The following CYP19A1 variants were observed in gnomAD, a reference collection of about 807,000 sequenced individuals.
The protein encoded by CYP19A1 is cytochrome P450 family 19 subfamily A member 1.
CYP19A1 carries 32 observed loss-of-function variants against 44.4 expected under a neutral mutation model. That is an observed-to-expected ratio of 0.72 (90% CI 0.54 to 0.97). The LOEUF (loss-of-function observed/expected upper bound fraction) is 0.97, where lower values mean the gene tolerates loss of function less well. CYP19A1 is among the 50% of genes least tolerant of loss of function. The probability of loss-of-function intolerance (pLI) is 0.00; values close to 1 mark genes in which losing one functional copy is unlikely to be tolerated. For synonymous variants in CYP19A1, 212 were observed against 215.6 expected, an observed-to-expected ratio of 0.98 and a Z score of 0.14; for missense variants, 598 against 637.8, an observed-to-expected ratio of 0.94 and a Z score of 0.67.
At position 51,224,954 on chromosome 15, in the gene CYP19A1, G is replaced by C. The variant is rs562175193; in HGVS notation, c.452-2429C>G. ...TTTACTCCTAGAATATTTGTCTTTTGTTTTCTTAATTAGCTTCTACCTTCA... is the reference window on the plus strand; with the variant it reads ...TTTACTCCTAGAATATTTGTCTTTTCTTTTCTTAATTAGCTTCTACCTTCA... On this transcript the variant is annotated intron_variant, in intron 4 of 9. Coordinates refer to ENST00000396402, the MANE Select transcript of CYP19A1 (RefSeq NM_000103.4). Among the ~76,000 whole-genome samples the C allele has an allele frequency of 5.3e-5, 8 of 152,226 alleles. No individual in the cohort carries two copies. The East Asian group carries it at 1.5e-3, about 29-fold the overall frequency.
chr15:51,313,849 CTG>C (rs2036367854), intron 1 of CYP19A1, among the ~76,000 whole-genome samples: 1 of 151,974 alleles, frequency 6.6e-6, no homozygotes, highest in South Asian at 2.1e-4. Flanking sequence ...TGGGAAAGGG[CTG>C]GGGTGCGTGG....
rs150497524 is a variant in CYP19A1 at position 51,284,396 on chromosome 15, C to T, written c.-38-41446G>A. Among the ~76,000 whole-genome samples, 661 of 152,278 alleles carry T rather than the reference C, an allele frequency of 4.3e-3. 2 individuals are homozygous for T. The highest frequency in any genetic ancestry group is 0.015 in the African/African-American group (631 of 41,550). ...CCATGGGTATCATTGGCGTAGGAAC[C>T]GCCTCAGAGGTTTTTCACAGTTCCT... On this transcript the variant is annotated intron_variant, in intron 1 of 9. Coordinates refer to ENST00000396402, the MANE Select transcript of CYP19A1 (RefSeq NM_000103.4).
chr15:51,214,601 G>C (rs2031378606), intron 8 of CYP19A1, among the ~76,000 whole-genome samples: 1 of 152,182 alleles, frequency 6.6e-6, no homozygotes, highest in Non-Finnish European at 1.5e-5. Context: ...AATTTCCCTG[G>C]GAGAGTCCAC....
At chr15:51,236,119 A>G (rs1242964139) in intron 3 of CYP19A1, among the ~76,000 whole-genome samples, 2 of 152,190 alleles carry the variant, frequency 1.3e-5, no homozygotes, top group Non-Finnish European at 1.5e-5. Flanking sequence ...GGAGGACACT[A>G]TTTTTTTAAA....
intron 1 of CYP19A1, among the ~76,000 whole-genome samples, chr15:51,305,054 C>T (rs1226577871): frequency 6.6e-6 from 1 of 151,972 alleles, no homozygotes; most frequent in African/African-American, 2.4e-5. Context: ...CGCCTGCCAC[C>T]ACGCCCAGCT....
At chr15:51,293,977 AC>A in intron 1 of CYP19A1, 2 of 198,362 alleles carry the variant, frequency 1.0e-5, no homozygotes, top group Admixed American at 6.1e-5. Context: ...CCCGGCCGCC[AC>A]CCCGTCTGGG....
At chr15:51,252,402 C>T (rs780945508) in intron 1 of CYP19A1, among the ~76,000 whole-genome samples, 81 of 152,314 alleles carry the variant, frequency 5.3e-4, no homozygotes, top group Non-Finnish European at 1.1e-3. Context: ...GAGGCTCTTT[C>T]CTGATTAAAA....
At chr15:51,316,484 TAGTG>T (rs2036428628) in intron 1 of CYP19A1, among the ~76,000 whole-genome samples, 2 of 152,194 alleles carry the variant, frequency 1.3e-5, no homozygotes, top group Non-Finnish European at 2.9e-5. Flanking sequence ...TTAAACTTCT[TAGTG>T]AGTTTTTATA....
rs575189557 is a variant in CYP19A1 at position 51,244,662 on chromosome 15, G to C, written c.-38-1712C>G. ...CCTTGAAGTTTCGATTTATATTGAT[G>C]AAACCTGAAACCATTGTTCAAAGCA... On this transcript the variant is annotated intron_variant, in intron 1 of 9. Transcript: ENST00000396402. Among the ~76,000 whole-genome samples the C allele has an allele frequency of 9.2e-5, 14 of 152,202 alleles. No individual in the cohort carries two copies. The East Asian group carries it at 2.5e-3, about 27-fold the overall frequency.
intron 1 of CYP19A1, among the ~76,000 whole-genome samples, chr15:51,267,585 C>T (rs1395082111): frequency 6.6e-6 from 1 of 152,188 alleles, no homozygotes; most frequent in Non-Finnish European, 1.5e-5. Context: ...GCGGTGTTCG[C>T]CGGGTGGGGG....
intron 1 of CYP19A1, among the ~76,000 whole-genome samples, chr15:51,248,455 C>CA (rs2034162677): frequency 6.6e-6 from 1 of 152,220 alleles, no homozygotes; most frequent in South Asian, 2.1e-4. Flanking sequence ...ATAGGGAACT[C>CA]ACCATTTTAT....
chr15:51,249,014 AC>A (rs1369202651), intron 1 of CYP19A1, among the ~76,000 whole-genome samples: 2 of 149,522 alleles, frequency 1.3e-5, no homozygotes, highest in African/African-American at 5.0e-5. Context: ...ATCTTGACTC[AC>A]TGCAACCTCC....
intron 3 of CYP19A1, among the ~76,000 whole-genome samples, chr15:51,236,435 C>T (rs766928601): frequency 1.1e-4 from 16 of 152,014 alleles, no homozygotes; most frequent in Non-Finnish European, 2.4e-4. Flanking sequence ...AGTGATGTCT[C>T]GGGTTTTATT....
At chr15:51,277,976 T>TTCC (rs1491468496) in intron 1 of CYP19A1, 4 of 145,628 alleles carry the variant, frequency 2.7e-5, no homozygotes, top group South Asian at 2.2e-4. Context: ...TTTTTTTTTT[T>TTCC]CCCCAGGAAA....
intron 1 of CYP19A1, among the ~76,000 whole-genome samples, chr15:51,246,967 G>A (rs567580862): frequency 3.3e-5 from 5 of 152,104 alleles, no homozygotes; most frequent in East Asian, 3.9e-4. Flanking sequence ...CTGCCTGATC[G>A]CACCAAAACC....
rs1168364401 is a variant in CYP19A1, at chr15:51,210,304, A to G, written c.*504T>C. On this transcript the variant is annotated 3_prime_UTR_variant, in exon 10 of 10. Transcript: ENST00000396402. ...ATTTCTAAGCATTTCTCCAAAGACTATGAATGTTGCTTTTCCACCTCCACA... is the reference window on the plus strand; with the variant it reads ...ATTTCTAAGCATTTCTCCAAAGACTGTGAATGTTGCTTTTCCACCTCCACA... 1 of 466,580 alleles carries G rather than the reference A, an allele frequency of 2.1e-6. No individual in the cohort carries two copies. The allele number at this position is 466,580 out of a possible 1,614,324, so 28.9% of individuals were successfully genotyped here. A position where few individuals can be genotyped will look rare whatever the true frequency, so the allele number is the denominator to read the frequency against.
chr15:51,218,488 G>GA (rs1333733093), intron 6 of CYP19A1, 53 bp downstream of exon 6: 8 of 1,567,762 alleles, frequency 5.1e-6, no homozygotes, highest in Admixed American at 3.7e-5. Flanking sequence ...AGACACAAGG[G>GA]AAAAAAACCA....
intron 1 of CYP19A1, among the ~76,000 whole-genome samples, chr15:51,336,093 A>G (rs1183971178): frequency 6.6e-6 from 1 of 152,070 alleles, no homozygotes. Flanking sequence ...CCTGAACCAC[A>G]CATCCAACTC....
intron 1 of CYP19A1, among the ~76,000 whole-genome samples, chr15:51,292,865 TA>T (rs1412427435): frequency 6.6e-6 from 1 of 152,004 alleles, no homozygotes; most frequent in African/African-American, 2.4e-5. Flanking sequence ...TGGGGTCCTT[TA>T]GTGGACACAG....
Sources: allele counts gnomAD v4.1 joint callset (sites outside exome capture counted in the v4.1 genomes callset), GRCh38; gene constraint gnomAD v4.1.1; transcripts MANE v1.5; gene names NCBI Gene and HGNC (gene_info 2026-07-23, HGNC 2026-07-21).